Variants in RAB11FIP4 observed in about 807,000 individuals in gnomAD.
The protein encoded by RAB11FIP4 is RAB11 family interacting protein 4.
A neutral mutation model predicts 74.3 loss-of-function variants in RAB11FIP4; 23 were observed. The observed-to-expected ratio is 0.31, with a 90% CI of 0.22 to 0.44. The LOEUF (loss-of-function observed/expected upper bound fraction) is 0.44. Ranked by LOEUF, RAB11FIP4 falls within the 20% of genes least tolerant of loss-of-function variation. RAB11FIP4 has a pLI of 1.00. For synonymous variants in RAB11FIP4, 360 were observed against 359.9 expected (o/e 1.00, Z 0.00); for missense variants, 630 against 863.9 (o/e 0.73, Z 3.39).
chr17:31,461,120 CCT>C (rs1190032039), intron 3 of RAB11FIP4, among the ~76,000 whole-genome samples: 1 of 151,634 alleles, frequency 6.6e-6, no homozygotes, highest in Non-Finnish European at 1.5e-5. Flanking sequence ...CAACAACCCC[CCT>C]GACTCCCACC....
At chr17:31,423,652 C>T (rs754970530) in intron 1 of RAB11FIP4, among the ~76,000 whole-genome samples, 6 of 151,746 alleles carry the variant, frequency 4.0e-5, no homozygotes, top group Non-Finnish European at 5.9e-5. Context: ...TCAGATCCAC[C>T]CCAAGTATAC....
In RAB11FIP4 at chr17:31,417,138, A is replaced by G. The variant is rs1187289647; in HGVS notation, c.160-14675A>G. Among the ~76,000 whole-genome samples, 3 of 147,952 alleles carry G rather than the reference A, an allele frequency of 2.0e-5. No homozygotes were observed. The East Asian group carries it at 6.0e-4, about 30-fold the overall frequency. Reference sequence around the variant, plus strand: ...TCCCCACTGTCCCCCTCACCTGGCCAGCTCCTAGCAGGAAACCCTGCAACT... The same window carrying G: ...TCCCCACTGTCCCCCTCACCTGGCCGGCTCCTAGCAGGAAACCCTGCAACT... On this transcript the variant is annotated intron_variant, in intron 1 of 14. Coordinates refer to ENST00000621161, the MANE Select transcript of RAB11FIP4 (RefSeq NM_032932.6).
intron 1 of RAB11FIP4, among the ~76,000 whole-genome samples, chr17:31,394,000 A>T (rs2070903573): frequency 6.6e-6 from 1 of 152,044 alleles, no homozygotes; most frequent in African/African-American, 2.4e-5. Flanking sequence ...GCTTATATTA[A>T]GTTTCTGGCC....
At chr17:31,462,483 A>G (rs939880183) in intron 3 of RAB11FIP4, among the ~76,000 whole-genome samples, 1 of 152,168 alleles carries the variant, frequency 6.6e-6, no homozygotes, top group Admixed American at 6.5e-5. Flanking sequence ...GAACAGCCCC[A>G]GCGAGGCACA....
intron 3 of RAB11FIP4, among the ~76,000 whole-genome samples, chr17:31,445,875 C>T (rs1359416009): frequency 6.6e-6 from 1 of 151,844 alleles, no homozygotes; most frequent in Non-Finnish European, 1.5e-5. Flanking sequence ...AGGTGTGAGC[C>T]ACCGCACCCA....
At chr17:31,428,559 G>A (rs2071276016) in intron 1 of RAB11FIP4, among the ~76,000 whole-genome samples, 2 of 152,092 alleles carry the variant, frequency 1.3e-5, no homozygotes, top group African/African-American at 4.8e-5. Flanking sequence ...GCGGCAAGAT[G>A]CCTGACAAGG....
At chr17:31,494,541 C>T (rs1024932007) in intron 3 of RAB11FIP4, among the ~76,000 whole-genome samples, 3 of 151,994 alleles carry the variant, frequency 2.0e-5, no homozygotes, top group Non-Finnish European at 2.9e-5. Flanking sequence ...AAGGTGGCAG[C>T]GGAAAAACTC....
chr17:31,479,291 T>C (rs1431512845), intron 3 of RAB11FIP4, among the ~76,000 whole-genome samples: 3 of 152,208 alleles, frequency 2.0e-5, no homozygotes, highest in Non-Finnish European at 4.4e-5. Context: ...CTGATGTGTC[T>C]GGGAAGAGGG....
intron 3 of RAB11FIP4, among the ~76,000 whole-genome samples, chr17:31,478,353 T>C (rs1292941911): frequency 6.6e-6 from 1 of 152,172 alleles, no homozygotes; most frequent in Admixed American, 6.5e-5. Flanking sequence ...GGGAGCCTGG[T>C]GCATTGTTTG....
intron 3 of RAB11FIP4, among the ~76,000 whole-genome samples, chr17:31,503,714 C>G (rs937355135): frequency 6.7e-6 from 1 of 149,774 alleles, no homozygotes; most frequent in Admixed American, 6.6e-5. Context: ...CAAGACTGCT[C>G]GTCGTTCTGT....
chr17:31,450,660 C>T (rs912889947), intron 3 of RAB11FIP4, among the ~76,000 whole-genome samples: 1 of 152,028 alleles, frequency 6.6e-6, no homozygotes, highest in Non-Finnish European at 1.5e-5. Context: ...TCGTCCTCAC[C>T]CCTATGCTTC....
Position 31,530,454 on chromosome 17 carries a change from C to T in RAB11FIP4, c.1782C>T (p.Thr594=), listed in dbSNP as rs768632634. The T allele has an allele frequency of 1.4e-5, 23 of 1,613,682 alleles. No individual in the cohort carries two copies. Among genetic ancestry groups the T allele is most frequent in the African/African-American group, 9.3e-5 (7 of 75,056 alleles). Residue 594 remains threonine, a synonymous_variant, in exon 14 of 15, where the codon ACC becomes ACT. Transcript: ENST00000621161. ...KAQSLAAEID[T]ASRDELMEAL... ...AGTCTCTGGCTGCGGAGATAGACAC[C>T]GCCTCGCGCGATGAGGTAACCACAC...
chr17:31,401,409 T>C (rs774975378), intron 1 of RAB11FIP4, among the ~76,000 whole-genome samples: 12 of 152,226 alleles, frequency 7.9e-5, no homozygotes, highest in Admixed American at 2.0e-4. Flanking sequence ...CCATTGTCCA[T>C]AGCTTCTGTG....
intron 13 of RAB11FIP4, among the ~76,000 whole-genome samples, chr17:31,529,472 A>T (rs1454179822): frequency 6.6e-6 from 1 of 152,082 alleles, no homozygotes. Flanking sequence ...GGGTCTCCCT[A>T]TATTGCCCAG....
intron 1 of RAB11FIP4, among the ~76,000 whole-genome samples, chr17:31,395,635 C>A (rs2151612099): frequency 6.6e-6 from 1 of 152,270 alleles, no homozygotes; most frequent in East Asian, 1.9e-4. Context: ...CTGATTAGGA[C>A]CTCTCAAAAT....
intron 3 of RAB11FIP4, among the ~76,000 whole-genome samples, chr17:31,471,319 C>T (rs918285016): frequency 2.6e-5 from 4 of 151,658 alleles, no homozygotes; most frequent in Non-Finnish European, 5.9e-5. Context: ...CCTGCCTCAG[C>T]CTTCTAAAGT....
At chr17:31,514,830 G>A (rs142458313) in intron 3 of RAB11FIP4, among the ~76,000 whole-genome samples, 34 of 152,364 alleles carry the variant, frequency 2.2e-4, no homozygotes, top group African/African-American at 7.9e-4. Context: ...GTGGATGGAC[G>A]TGGAAGTTGC....
chr17:31,449,846 C>T (rs1438865987), intron 3 of RAB11FIP4, among the ~76,000 whole-genome samples: 2 of 152,224 alleles, frequency 1.3e-5, no homozygotes, highest in African/African-American at 4.8e-5. Flanking sequence ...GCTGGTATGG[C>T]AGGCATGAGC....
At chr17:31,409,987 AG>A (rs1262847969) in intron 1 of RAB11FIP4, among the ~76,000 whole-genome samples, 1 of 152,184 alleles carries the variant, frequency 6.6e-6, no homozygotes, top group Non-Finnish European at 1.5e-5. Flanking sequence ...GTCAACTCCC[AG>A]ATTTCCAGCT....
Sources: allele counts gnomAD v4.1 joint callset (sites outside exome capture counted in the v4.1 genomes callset), GRCh38; gene constraint gnomAD v4.1.1; transcripts MANE v1.5; gene names NCBI Gene and HGNC (gene_info 2026-07-23, HGNC 2026-07-21).